Variants in SFXN5 observed in about 807,000 individuals in gnomAD.
The protein encoded by SFXN5 is sideroflexin 5, also known as sideroflexin-5.
In SFXN5, 43 loss-of-function variants were observed where a neutral mutation model predicts 50.2. The ratio of observed to expected loss-of-function variants is 0.86; its 90% CI spans 0.67 to 1.11. The LOEUF (loss-of-function observed/expected upper bound fraction) is 1.11, where lower values mean the gene tolerates loss of function less well. SFXN5 is among the 50% of genes least tolerant of loss of function. SFXN5 has a pLI of 0.00. For synonymous variants in SFXN5, 203 were observed against 185.8 expected (o/e 1.09, Z -0.75); for missense variants, 463 against 454.1 (o/e 1.02, Z -0.18).
chr2:72,954,353 C>T (rs774546625), intron 13 of SFXN5, among the ~76,000 whole-genome samples: 8 of 152,058 alleles, frequency 5.3e-5, no homozygotes, highest in Non-Finnish European at 1.2e-4. Context: ...CTAGAAGGGG[C>T]AGGAACAGGT....
At chr2:72,979,808 TAA>T (rs1320596937) in intron 10 of SFXN5, among the ~76,000 whole-genome samples, 19 of 152,344 alleles carry the variant, frequency 1.2e-4, no homozygotes, top group South Asian at 6.2e-4. Context: ...CCATTTGTAT[TAA>T]GTTACATTTA....
rs1672762938 is a variant in SFXN5, at chr2:72,992,842, C to T, written c.535-4494G>A. On this transcript the variant is annotated intron_variant, in intron 9 of 13. Transcript: ENST00000272433. This position sits in a 1 kb window ranked among gnomAD's most constrained non-coding sequence, Gnocchi z 4.5. ...GACTTGCTTAAAGCCTTCGGTGACA[C>T]TGGAGGAGCCACACGGCCCTGCGGG... is the stretch of plus-strand genomic sequence containing the variant. 6.6e-6 allele frequency among the ~76,000 whole-genome samples: 1 copy of T among 152,186 alleles called. No individual in the cohort carries two copies. The highest frequency in any genetic ancestry group is 2.1e-4 in the South Asian group (1 of 4,830).
rs532030521 is a variant in SFXN5, at chr2:72,990,529, G to A, written c.535-2181C>T. Among the ~76,000 whole-genome samples the A allele has an allele frequency of 3.3e-5, 5 of 152,274 alleles. No homozygotes were observed. The South Asian group carries it at 6.2e-4, about 19-fold the overall frequency. ...GTAGCAATGAAGAGGAGGGGGGCTC[G>A]GGAGAACTCAGTGAGCACTTCCTAC... On this transcript the variant is annotated intron_variant, in intron 9 of 13. Transcript: ENST00000272433.
chr2:72,968,168 C>CACA (rs1281089115), intron 12 of SFXN5, among the ~76,000 whole-genome samples: 3 of 144,360 alleles, frequency 2.1e-5, no homozygotes, highest in South Asian at 2.2e-4. Flanking sequence ...CACACACACA[C>CACA]AACTGCCAGC....
At chr2:72,947,225 C>T (rs1672052496) in intron 13 of SFXN5, among the ~76,000 whole-genome samples, 1 of 152,214 alleles carries the variant, frequency 6.6e-6, no homozygotes, top group Non-Finnish European at 1.5e-5. Flanking sequence ...AAGCCTAGCA[C>T]AATGCTGGTC....
At chr2:73,054,845 G>T (rs1681882697) in intron 2 of SFXN5, among the ~76,000 whole-genome samples, 1 of 152,224 alleles carries the variant, frequency 6.6e-6, no homozygotes, top group Non-Finnish European at 1.5e-5. Context: ...GGCTAGATAA[G>T]TAGTTTCTCT....
At position 73,039,150 on chromosome 2, in the gene SFXN5, A is replaced by G. The variant is rs886570095; in HGVS notation, c.249+1704T>C. ...TTCAGGTTGGCCAGGATGGTCTCGA[A>G]CTCCTGACCTCAAGTGATCCGCCCG... On this transcript the variant is annotated intron_variant, in intron 3 of 13. Transcript: ENST00000272433. Among the ~76,000 whole-genome samples the G allele has an allele frequency of 2.6e-5, 4 of 152,124 alleles. No homozygotes were observed. The East Asian group carries it at 7.7e-4, about 29-fold the overall frequency.
intron 3 of SFXN5, among the ~76,000 whole-genome samples, chr2:73,036,270 G>A (rs1255353183): frequency 6.6e-6 from 1 of 152,244 alleles, no homozygotes; most frequent in Non-Finnish European, 1.5e-5. Context: ...GCAGAGGCCA[G>A]AGGAAGGTGT....
chr2:72,994,334 G>A (rs1249483683), intron 9 of SFXN5, among the ~76,000 whole-genome samples: 1 of 152,180 alleles, frequency 6.6e-6, no homozygotes, highest in African/African-American at 2.4e-5. Context: ...AGTAAGCAAT[G>A]GGAACTGGAA....
At chr2:73,059,306 G>A (rs1397064767) in intron 1 of SFXN5, 5 of 985,570 alleles carry the variant, frequency 5.1e-6, no homozygotes, top group Non-Finnish European at 6.0e-6. Context: ...GCAAAGCTGA[G>A]CTCAAGGGGA....
chr2:72,990,305 A>G (rs1672426855), intron 9 of SFXN5, among the ~76,000 whole-genome samples: 1 of 152,208 alleles, frequency 6.6e-6, no homozygotes. Flanking sequence ...AGCCAGGGGC[A>G]TCACGGCGTG....
At chr2:73,028,533 C>T (rs10184684) in intron 3 of SFXN5, among the ~76,000 whole-genome samples, 5,046 of 152,176 alleles carry the variant, frequency 0.033, 278 homozygotes, top group African/African-American at 0.11. Flanking sequence ...GGAAGAGAAA[C>T]ATTAAATAGC....
chr2:72,978,825 T>A (rs975550167), intron 10 of SFXN5, among the ~76,000 whole-genome samples: 6 of 151,978 alleles, frequency 3.9e-5, no homozygotes, highest in African/African-American at 1.2e-4. Context: ...GTTTTTTTTT[T>A]AAATTCCCCA....
At chr2:72,952,258 C>G (rs1190292432) in intron 13 of SFXN5, among the ~76,000 whole-genome samples, 1 of 152,216 alleles carries the variant, frequency 6.6e-6, no homozygotes, top group Non-Finnish European at 1.5e-5. Context: ...AGGCTATATC[C>G]TGACCCTCTA....
intron 3 of SFXN5, 53 bp downstream of exon 3, chr2:73,040,801 C>A: frequency 6.9e-7 from 1 of 1,453,938 alleles, no homozygotes; most frequent in South Asian, 1.2e-5. Flanking sequence ...TTGTGAATTT[C>A]TCACTTTCCT....
intron 6 of SFXN5, among the ~76,000 whole-genome samples, chr2:73,005,003 T>C (rs553326141): frequency 9.9e-5 from 15 of 152,154 alleles, no homozygotes; most frequent in African/African-American, 3.6e-4. Context: ...AAGAAAGAGA[T>C]GGATAGAGAG....
intron 2 of SFXN5, among the ~76,000 whole-genome samples, chr2:73,057,837 T>C (rs374239428): frequency 1.3e-5 from 2 of 152,186 alleles, no homozygotes; most frequent in African/African-American, 4.8e-5. Flanking sequence ...CCTCCATTCC[T>C]CTCTCTCCTG....
At chr2:73,016,246 T>G (rs1470659916) in intron 6 of SFXN5, among the ~76,000 whole-genome samples, 1 of 152,238 alleles carries the variant, frequency 6.6e-6, no homozygotes, top group Non-Finnish European at 1.5e-5. Flanking sequence ...ATCACAAGAT[T>G]ACCATTTTGG....
chr2:73,000,511 T>G (rs1453892477), intron 7 of SFXN5, 24 bp from the exon 8 acceptor site: 1 of 1,554,046 alleles, frequency 6.4e-7, no homozygotes, highest in Non-Finnish European at 8.7e-7. Context: ...ATGAGAGAAG[T>G]CAGGGAAGGA....
Sources: allele counts gnomAD v4.1 joint callset (sites outside exome capture counted in the v4.1 genomes callset), GRCh38; gene constraint gnomAD v4.1.1; non-coding constraint Gnocchi (gnomAD v3.1); transcripts MANE v1.5; gene names NCBI Gene and HGNC (gene_info 2026-07-23, HGNC 2026-07-21).